ZNF174: variants seen among roughly 807,000 people sequenced by gnomAD.
ZNF174 encodes the protein AW-1.
In ZNF174, 30 loss-of-function variants were observed where a neutral mutation model predicts 38.7. The observed-to-expected ratio is 0.78, with a 90% CI of 0.58 to 1.05. The LOEUF (loss-of-function observed/expected upper bound fraction) is 1.05. Ranked by LOEUF, ZNF174 falls within the 50% of genes least tolerant of loss-of-function variation. The pLI is 0.00. For synonymous variants in ZNF174, 201 were observed against 181.7 expected (o/e 1.11, Z -0.86); for missense variants, 499 against 495.6 (o/e 1.01, Z -0.06).
intron 2 of ZNF174, among the ~76,000 whole-genome samples, chr16:3,405,252 A>G (rs1370228903): frequency 6.6e-6 from 1 of 152,260 alleles, no homozygotes; most frequent in East Asian, 1.9e-4. Context: ...CAAGACGACA[A>G]AAATCCTCAG....
chr16:3,407,375 T>A (rs1404821068), intron 2 of ZNF174, among the ~76,000 whole-genome samples: 1 of 152,334 alleles, frequency 6.6e-6, no homozygotes, highest in East Asian at 1.9e-4. Flanking sequence ...TTCTCTTGTA[T>A]GTGGAAATCC....
chr16:3,404,766 G>A (rs1214874891), intron 2 of ZNF174, 118 bp downstream of exon 2: 2 of 1,497,396 alleles, frequency 1.3e-6, no homozygotes, highest in Non-Finnish European at 9.1e-7. Context: ...ATATATAATA[G>A]TAGATGATTA....
At chr16:3,403,713 T>C (rs2034004929) in intron 1 of ZNF174, among the ~76,000 whole-genome samples, 1 of 151,148 alleles carries the variant, frequency 6.6e-6, no homozygotes, top group South Asian at 2.1e-4. Context: ...TGAACTCTTC[T>C]TGGGCCCAGG....
chr16:3,404,705 C>G, intron 2 of ZNF174, 57 bp downstream of exon 2: 1 of 1,602,514 alleles, frequency 6.2e-7, no homozygotes, highest in Non-Finnish European at 8.5e-7. Flanking sequence ...ATCAATGTAT[C>G]TCATGGTTCT....
Position 3,401,942 on chromosome 16 carries a change from C to T in ZNF174, c.-63C>T. 3 of 1,564,484 alleles carry T rather than the reference C, an allele frequency of 1.9e-6. No homozygotes were observed. The highest frequency in any genetic ancestry group is 2.6e-6 in the Non-Finnish European group (3 of 1,159,674). ...TCTTTCTAGTATTCAGAGACTTCTC[C>T]AGGGTCATGATCCCAAAGGCTTAAC... is the stretch of plus-strand genomic sequence containing the variant. On this transcript the variant is annotated 5_prime_UTR_variant, in exon 1 of 3. Coordinates refer to ENST00000268655, the MANE Select transcript of ZNF174 (RefSeq NM_003450.3).
chr16:3,404,330 G>C, intron 1 of ZNF174, 96 bp from the exon 2 acceptor site: 2 of 1,280,956 alleles, frequency 1.6e-6, no homozygotes, highest in East Asian at 2.3e-5. Flanking sequence ...ATGGTTATCA[G>C]CAATTCCCAA....
In ZNF174 at chr16:3,404,613, T is replaced by G. The variant is rs200902778; in HGVS notation, c.590T>G (p.Leu197Arg). 1 of 1,614,178 alleles carries G rather than the reference T, an allele frequency of 6.2e-7. No individual in the cohort carries two copies. Among genetic ancestry groups the G allele is most frequent in the Non-Finnish European group, 8.5e-7 (1 of 1,180,024 alleles). ...CCCCATCATTGGGAGAAATCCCCAC[T>G]CCTCCAAGAACCAACCCCCAAATTG... ...LSPHHWEKSP[L>R]LQEPTPKLAG... Residue 197 changes from leucine (L) to arginine (R), a missense_variant, in exon 2 of 3, where the codon CTC (leucine) becomes CGC (arginine). Leu to Arg is a moderately radical substitution (Grantham distance 102). Coordinates refer to ENST00000268655, the MANE Select transcript of ZNF174 (RefSeq NM_003450.3).
In ZNF174 at chr16:3,409,261, G is replaced by A; in HGVS notation, c.*342G>A. The A allele has an allele frequency of 4.1e-6, 1 of 246,866 alleles. No individual in the cohort carries two copies. The highest frequency in any genetic ancestry group is 7.9e-6 in the Non-Finnish European group (1 of 126,730). The allele number at this position is 246,866 out of a possible 1,614,324, so 15.3% of individuals were successfully genotyped here. A position where few individuals can be genotyped will look rare whatever the true frequency, so the allele number is the denominator to read the frequency against. ...TCTGTTGCTTTATCCTCTAAAATAT[G>A]TTAAGGGATAAATTCTATATATATA... On this transcript the variant is annotated 3_prime_UTR_variant, in exon 3 of 3. Transcript: ENST00000268655.
At chr16:3,405,947 G>T (rs1227206106) in intron 2 of ZNF174, among the ~76,000 whole-genome samples, 1 of 152,206 alleles carries the variant, frequency 6.6e-6, no homozygotes, top group Non-Finnish European at 1.5e-5. Flanking sequence ...GGTCGAGGCT[G>T]CAGTGAACTG....
rs142419034 is a variant in ZNF174 at position 3,408,623 on chromosome 16, C to G, written c.928C>G (p.Arg310Gly). ...SKGGKRSLSN[R>G]LQHLGHQPTR... Reference sequence around the variant, plus strand: ...AGGAGGTAAACGGAGTCTGAGCAACCGTTTGCAACATCTTGGTCACCAGCC... The same window carrying G: ...AGGAGGTAAACGGAGTCTGAGCAACGGTTTGCAACATCTTGGTCACCAGCC... The change falls in exon 3 of 3, where the codon CGT becomes GGT. Residue 310 changes from arginine to glycine, a missense_variant. Arg to Gly is a moderately radical substitution (Grantham distance 125). Transcript: ENST00000268655. 6.2e-6 allele frequency: 10 copies of G among 1,614,076 alleles called. No individual in the cohort carries two copies. The highest frequency in any genetic ancestry group is 8.5e-6 in the Non-Finnish European group (10 of 1,180,012).
In ZNF174 at chr16:3,408,870, G is replaced by A. The variant is rs759656844; in HGVS notation, c.1175G>A (p.Arg392His). The A allele has an allele frequency of 7.3e-5, 118 of 1,613,764 alleles. No homozygotes were observed. The highest frequency in any genetic ancestry group is 8.2e-5 in the Non-Finnish European group (97 of 1,179,860). Residue 392 changes from arginine to histidine, a missense_variant, in exon 3 of 3, where the codon CGC becomes CAC. By Grantham distance (29) the Arg-to-His change is conservative (BLOSUM62 0). Coordinates refer to ENST00000268655, the MANE Select transcript of ZNF174 (RefSeq NM_003450.3). ...YQCGQCGKSFRQSSNLHQHHR... is the reference protein window; with the variant it reads ...YQCGQCGKSFHQSSNLHQHHR... ...TGTGGCCAGTGTGGGAAAAGCTTTC[G>A]CCAGAGCTCAAACCTTCACCAGCAT...
chr16:3,404,999 T>G, intron 2 of ZNF174: 1 of 1,612,228 alleles, frequency 6.2e-7, no homozygotes, highest in Non-Finnish European at 8.5e-7. Context: ...AATGCTCCTC[T>G]GTTTAGAGGG....
At chr16:3,407,110 A>G (rs1381433882) in intron 2 of ZNF174, among the ~76,000 whole-genome samples, 1 of 152,208 alleles carries the variant, frequency 6.6e-6, no homozygotes, top group African/African-American at 2.4e-5. Flanking sequence ...GAAGTTCAAG[A>G]TCAAGGTGCC....
At chr16:3,403,574 T>C (rs886471442) in intron 1 of ZNF174, among the ~76,000 whole-genome samples, 1 of 151,438 alleles carries the variant, frequency 6.6e-6, no homozygotes, top group African/African-American at 2.4e-5. Context: ...GCAACCTCCA[T>C]GTCCAGCTCA....
At chr16:3,404,370 G>A (rs776255651) in intron 1 of ZNF174, 56 bp from the exon 2 acceptor site, 12 of 1,510,028 alleles carry the variant, frequency 7.9e-6, no homozygotes, top group Non-Finnish European at 9.8e-6. Flanking sequence ...AACAGTGAGA[G>A]ATCAAGCTTC....
rs778596415 is a variant in ZNF174, at chr16:3,408,654, G to A, written c.959G>A (p.Arg320His). The A allele has an allele frequency of 3.5e-5, 56 of 1,614,012 alleles. No homozygotes were observed. The highest frequency in any genetic ancestry group is 2.0e-4 in the African/African-American group (15 of 74,900). Residue 320 changes from arginine to histidine, a missense_variant, in exon 3 of 3, where the codon CGC becomes CAC. Transcript: ENST00000268655. ...CAACATCTTGGTCACCAGCCCACCC[G>A]CTCAGCAAAGAAACCCTACAAATGT... Reference protein sequence around the residue: ...RLQHLGHQPTRSAKKPYKCDD... With the variant: ...RLQHLGHQPTHSAKKPYKCDD...
At chr16:3,403,522 T>C (rs2033999996) in intron 1 of ZNF174, among the ~76,000 whole-genome samples, 1 of 149,604 alleles carries the variant, frequency 6.7e-6, no homozygotes, top group African/African-American at 2.5e-5. Flanking sequence ...GGTCTCACTG[T>C]GTTGCTGAGG....
At chr16:3,404,231 T>A (rs2034016893) in intron 1 of ZNF174, among the ~76,000 whole-genome samples, 195 bp from the exon 2 acceptor site, 1 of 152,178 alleles carries the variant, frequency 6.6e-6, no homozygotes, top group Non-Finnish European at 1.5e-5. Context: ...CTCGGCTGAT[T>A]TGTAGCATCC....
In ZNF174 at chr16:3,408,282, C is replaced by G. The variant is rs751557925; in HGVS notation, c.626-39C>G. 6 of 1,524,554 alleles carry G rather than the reference C, an allele frequency of 3.9e-6. No homozygotes were observed. The African/African-American group carries it at 8.4e-5, about 21-fold the overall frequency. 94.4% of individuals were successfully genotyped at this position (1,524,554 alleles called of 1,614,324 possible). A position where few individuals can be genotyped will look rare whatever the true frequency, so the allele number is the denominator to read the frequency against. ...ATAACTCTTGCTGAAGTTATTTCTT[C>G]CAAGTGCAGAAAATGAAGCATTTTC... On this transcript the variant is annotated intron_variant, in intron 2 of 2. Transcript: ENST00000268655.
Sources: gnomAD v4.1 joint callset for allele counts (sites outside exome capture counted in the v4.1 genomes callset) on GRCh38, gnomAD v4.1.1 for gene constraint, MANE v1.5 for transcripts, NCBI Gene and HGNC (gene_info 2026-07-23, HGNC 2026-07-21) for gene names.